Variants in RAPGEF5 observed in about 807,000 individuals in gnomAD.
RAPGEF5 encodes Rap guanine nucleotide exchange factor 5.
RAPGEF5 carries 65 observed loss-of-function variants against 125.2 expected under a neutral mutation model. The ratio of observed to expected loss-of-function variants is 0.52; its 90% CI spans 0.43 to 0.64. The LOEUF is 0.64. Ranked by LOEUF, RAPGEF5 falls within the 30% of genes least tolerant of loss-of-function variation. The pLI is 0.00. For synonymous variants in RAPGEF5, 391 were observed against 385.9 expected, an observed-to-expected ratio of 1.01 and a Z score of -0.16; for missense variants, 958 against 1,048.1, an observed-to-expected ratio of 0.91 and a Z score of 1.19.
intron 7 of RAPGEF5, among the ~76,000 whole-genome samples, chr7:22,252,499 C>G (rs1008395195): frequency 1.3e-5 from 2 of 152,176 alleles, no homozygotes; most frequent in African/African-American, 4.8e-5. Context: ...CATTTACTAT[C>G]TTAATGGGCA....
At chr7:22,300,977 T>A (rs543311657) in intron 5 of RAPGEF5, among the ~76,000 whole-genome samples, 1 of 152,352 alleles carries the variant, frequency 6.6e-6, no homozygotes, top group Admixed American at 6.5e-5. Flanking sequence ...CCTGTCTACA[T>A]CTGAGGCCTG....
intron 7 of RAPGEF5, among the ~76,000 whole-genome samples, chr7:22,256,616 G>C (rs543160492): frequency 3.3e-5 from 5 of 152,208 alleles, no homozygotes; most frequent in Non-Finnish European, 7.3e-5. Context: ...TAAGGACAGA[G>C]AGTGAAATTT....
intron 10 of RAPGEF5, 56 bp from the exon 11 acceptor site, chr7:22,193,511 T>C (rs1162734555): frequency 6.4e-7 from 1 of 1,555,540 alleles, no homozygotes; most frequent in Admixed American, 1.9e-5. Flanking sequence ...TGCGAGCGGC[T>C]GCTCCATTCA....
intron 14 of RAPGEF5, 96 bp from the exon 15 acceptor site, chr7:22,157,981 G>T (rs1783866235): frequency 8.6e-7 from 1 of 1,159,722 alleles, no homozygotes; most frequent in Non-Finnish European, 1.3e-6. Flanking sequence ...CTAGGCAGAG[G>T]ATTTTGCTCT....
intron 6 of RAPGEF5, among the ~76,000 whole-genome samples, chr7:22,279,729 G>C (rs186976651): frequency 6.6e-6 from 1 of 152,190 alleles, no homozygotes. Context: ...TATTTAAAGG[G>C]AGCTGCTGGA....
At chr7:22,319,118 A>C (rs1462595502) in intron 1 of RAPGEF5, among the ~76,000 whole-genome samples, 1 of 152,222 alleles carries the variant, frequency 6.6e-6, no homozygotes, top group East Asian at 1.9e-4. Context: ...ACGCTTAAGC[A>C]CAATACAGAA....
intron 1 of RAPGEF5, among the ~76,000 whole-genome samples, chr7:22,319,865 C>T (rs950646528): frequency 3.3e-5 from 5 of 149,878 alleles, no homozygotes; most frequent in Non-Finnish European, 5.9e-5. Context: ...AAAAAAAAAA[C>T]GTGGGCAGGG....
At chr7:22,203,230 G>C (rs1221885575) in intron 9 of RAPGEF5, among the ~76,000 whole-genome samples, 1 of 152,224 alleles carries the variant, frequency 6.6e-6, no homozygotes, top group East Asian at 1.9e-4. Context: ...GAGGGCTAGG[G>C]ATGATGAAAT....
At chr7:22,339,420 G>A (rs935386847) in intron 1 of RAPGEF5, among the ~76,000 whole-genome samples, 3 of 152,336 alleles carry the variant, frequency 2.0e-5, no homozygotes, top group East Asian at 1.9e-4. Flanking sequence ...GCGTCCGGAT[G>A]CAAAATGTTT....
In RAPGEF5 at chr7:22,145,069, T is replaced by A; in HGVS notation, c.2161A>T (p.Lys721Ter). Residue 721 changes from lysine (K) to a stop codon, truncating the protein, a stop_gained, in exon 20 of 26, where the codon AAA (lysine) becomes TAA (stop). Transcript: ENST00000665637. LOFTEE classifies it high-confidence loss of function. ...SQLGKRVQLV[K>*]KFIKIAAHCK... ...TGAGCCGCAATTTTGATGAATTTTT[T>A]CACCAGCTGCACTCGCTTGCCCAGC... is the stretch of plus-strand genomic sequence containing the variant. 6.2e-7 allele frequency: 1 copy of A among 1,613,462 alleles called. No homozygotes were observed. The highest frequency in any genetic ancestry group is 8.5e-7 in the Non-Finnish European group (1 of 1,179,554).
intron 6 of RAPGEF5, among the ~76,000 whole-genome samples, chr7:22,286,137 C>G (rs1354496847): frequency 1.3e-5 from 2 of 152,200 alleles, no homozygotes; most frequent in Non-Finnish European, 2.9e-5. Context: ...ACGCGTCTGA[C>G]TACGGATCAG....
Position 22,122,391 on chromosome 7 carries a change from G to A in RAPGEF5, c.*15C>T, listed in dbSNP as rs768071186. 1 of 1,586,580 alleles carries A rather than the reference G, an allele frequency of 6.3e-7. No homozygotes were observed. The highest frequency in any genetic ancestry group is 1.7e-5 in the Admixed American group (1 of 59,900). On this transcript the variant is annotated 3_prime_UTR_variant, in exon 26 of 26. Transcript: ENST00000665637. The stretch of plus-strand genomic sequence containing the variant: ...TCAAAGTGCTGCAGATACAGGGGAG[G>A]TGAGGCAGTGGGGCTCACACCCGAG...
chr7:22,223,691 C>T (rs1304037242), intron 8 of RAPGEF5, among the ~76,000 whole-genome samples: 1 of 151,946 alleles, frequency 6.6e-6, no homozygotes, highest in Non-Finnish European at 1.5e-5. Flanking sequence ...ATATTTCATC[C>T]AGTGAAACAG....
Position 22,175,099 on chromosome 7 carries a change from G to A in RAPGEF5, c.1205-7951C>T, listed in dbSNP as rs182035432. ...GGAGAGAAACAGAATAAAGAGAAAC[G>A]AATGTACAGTCAATAGCCTCCTTTC... On this transcript the variant is annotated intron_variant, in intron 11 of 25. Coordinates refer to ENST00000665637, the MANE Select transcript of RAPGEF5 (RefSeq NM_012294.5). 2.5e-4 allele frequency among the ~76,000 whole-genome samples: 38 copies of A among 152,226 alleles called. No homozygotes were observed. In the East Asian group the frequency reaches 6.4e-3, roughly 26 times the overall value.
chr7:22,320,648 T>C (rs1051564977), intron 1 of RAPGEF5, among the ~76,000 whole-genome samples: 6 of 152,184 alleles, frequency 3.9e-5, no homozygotes, highest in African/African-American at 1.2e-4. Flanking sequence ...TTGGAATCCC[T>C]TGGTTTTGTT....
chr7:22,332,310 T>C (rs1299716277), intron 1 of RAPGEF5, among the ~76,000 whole-genome samples: 1 of 152,208 alleles, frequency 6.6e-6, no homozygotes, highest in Non-Finnish European at 1.5e-5. Flanking sequence ...CAAACCTTCT[T>C]CATTTCAGTA....
intron 7 of RAPGEF5, among the ~76,000 whole-genome samples, chr7:22,243,867 G>A (rs1786403213): frequency 6.6e-6 from 1 of 152,102 alleles, no homozygotes; most frequent in South Asian, 2.1e-4. Flanking sequence ...CAATCGATAT[G>A]GAAAAGTTAG....
intron 10 of RAPGEF5, 85 bp downstream of exon 10, chr7:22,193,830 G>T (rs1785079243): frequency 3.7e-6 from 6 of 1,611,770 alleles, no homozygotes; most frequent in Non-Finnish European, 5.1e-6. Context: ...GGCAGAGAGC[G>T]AGTGAGATGG....
At position 22,310,737 on chromosome 7, in the gene RAPGEF5, T is replaced by C. The variant is rs947718401; in HGVS notation, c.390-647A>G. 3.3e-5 allele frequency among the ~76,000 whole-genome samples: 5 copies of C among 152,322 alleles called. No individual in the cohort carries two copies. In the East Asian group the frequency reaches 9.6e-4, roughly 29 times the overall value. Reference sequence around the variant, plus strand: ...GAACAATAAATTTGATTGTTAATCTTTTTAATATAATCATTGTAACTATTT... The same window carrying C: ...GAACAATAAATTTGATTGTTAATCTCTTTAATATAATCATTGTAACTATTT... On this transcript the variant is annotated intron_variant, in intron 3 of 25. Coordinates refer to ENST00000665637, the MANE Select transcript of RAPGEF5 (RefSeq NM_012294.5).
Sources: allele counts gnomAD v4.1 joint callset (sites outside exome capture counted in the v4.1 genomes callset), GRCh38; gene constraint gnomAD v4.1.1; transcripts MANE v1.5; gene names NCBI Gene and HGNC (gene_info 2026-07-23, HGNC 2026-07-21).